SYNJ2: variants seen among roughly 807,000 people sequenced by gnomAD.
The protein encoded by SYNJ2 is polyphosphatidylinositol phosphatase SYNJ2.
In SYNJ2, 116 loss-of-function variants were observed where a neutral mutation model predicts 141.3. That is an observed-to-expected ratio of 0.82 (90% CI 0.71 to 0.96). The LOEUF (loss-of-function observed/expected upper bound fraction) is 0.96, where lower values mean the gene tolerates loss of function less well. Ranked by LOEUF, SYNJ2 falls within the 40% of genes least tolerant of loss-of-function variation. SYNJ2 has a pLI of 0.00. For missense variants in SYNJ2, 1,873 were observed against 1,934.8 expected, an observed-to-expected ratio of 0.97 and a Z score of 0.60; for synonymous variants, 745 against 777.7, an observed-to-expected ratio of 0.96 and a Z score of 0.70.
chr6:158,009,772 A>G (rs1778197792), intron 1 of SYNJ2, among the ~76,000 whole-genome samples: 1 of 152,078 alleles, frequency 6.6e-6, no homozygotes, highest in Non-Finnish European at 1.5e-5. Flanking sequence ...AAATAAATGG[A>G]GATGGTTGCC....
chr6:158,005,687 G>A (rs1454160366), intron 1 of SYNJ2, among the ~76,000 whole-genome samples: 6 of 151,972 alleles, frequency 3.9e-5, no homozygotes, highest in Admixed American at 1.3e-4. Context: ...TTTCACTTGC[G>A]TTTCTGTGCT....
At chr6:158,026,280 G>A (rs997934812) in intron 2 of SYNJ2, among the ~76,000 whole-genome samples, 1 of 152,208 alleles carries the variant, frequency 6.6e-6, no homozygotes, top group Non-Finnish European at 1.5e-5. Flanking sequence ...CTTGGCTTGA[G>A]AAACTTGCCC....
chr6:158,021,931 G>T (rs1778795810), intron 2 of SYNJ2, among the ~76,000 whole-genome samples: 1 of 152,198 alleles, frequency 6.6e-6, no homozygotes, highest in African/African-American at 2.4e-5. Flanking sequence ...TCACGGGCCA[G>T]GGCTGATTTC....
chr6:158,035,246 C>T (rs1325647804), intron 4 of SYNJ2, among the ~76,000 whole-genome samples: 2 of 152,170 alleles, frequency 1.3e-5, no homozygotes, highest in African/African-American at 2.4e-5. Context: ...ATAGGAATAG[C>T]TTTGAATCCA....
chr6:158,043,753 G>A lies in SYNJ2; in HGVS notation c.795+354G>A, dbSNP rs185028467. Among the ~76,000 whole-genome samples, 9 of 152,266 alleles carry A rather than the reference G, an allele frequency of 5.9e-5. No individual in the cohort carries two copies. The highest frequency in any genetic ancestry group is 8.8e-5 in the Non-Finnish European group (6 of 68,018). On this transcript the variant is annotated intron_variant, in intron 5 of 26. Transcript: ENST00000355585. This position sits in a 1 kb window ranked among gnomAD's most constrained non-coding sequence, Gnocchi z 4.0. ...ACCCTGAGTTCGGTGTACTGAGGAC[G>A]TTTCTGAGAGCCGTGACTCTCATGG...
At chr6:158,056,646 G>C (rs943882073) in intron 6 of SYNJ2, among the ~76,000 whole-genome samples, 1 of 152,220 alleles carries the variant, frequency 6.6e-6, no homozygotes, top group Non-Finnish European at 1.5e-5. Flanking sequence ...AGGCTGCCCA[G>C]GTCCTCGATG....
At chr6:158,072,995 A>G (rs895451550) in intron 15 of SYNJ2, among the ~76,000 whole-genome samples, 2 of 150,856 alleles carry the variant, frequency 1.3e-5, no homozygotes, top group Non-Finnish European at 3.0e-5. Flanking sequence ...ATCGCAACCC[A>G]GGAGGCAGAG....
intron 1 of SYNJ2, among the ~76,000 whole-genome samples, chr6:158,011,045 G>A (rs1443899792): frequency 6.7e-6 from 1 of 150,096 alleles, no homozygotes; most frequent in Admixed American, 6.7e-5. Context: ...CATGGAGAGA[G>A]AATGGCCACA....
At chr6:158,003,256 G>A (rs969687574) in intron 1 of SYNJ2, among the ~76,000 whole-genome samples, 1 of 152,242 alleles carries the variant, frequency 6.6e-6, no homozygotes, top group African/African-American at 2.4e-5. Flanking sequence ...TGGGAGGACA[G>A]GAGAGTCCTT....
At chr6:158,054,372 A>G (rs1255194052) in intron 5 of SYNJ2, among the ~76,000 whole-genome samples, 2 of 152,244 alleles carry the variant, frequency 1.3e-5, no homozygotes, top group African/African-American at 4.8e-5. Context: ...CATCAGGTTA[A>G]AATCCATTAC....
chr6:158,088,034 A>ATTTTTTTT (rs568222551), intron 23 of SYNJ2, among the ~76,000 whole-genome samples: 30 of 31,888 alleles, frequency 9.4e-4, no homozygotes, highest in East Asian at 5.1e-3. Context: ...CTGCTTTGGA[A>ATTTTTTTT]TTTTTTTTTT....
Position 158,055,662 on chromosome 6 carries a change from T to G in SYNJ2, c.857+634T>G, listed in dbSNP as rs1385300760. ...AAAAGATTTGCTTATTTAATCTAAATACTCAATATTTTAAAATTGTCTTAG... is the reference window on the plus strand; with the variant it reads ...AAAAGATTTGCTTATTTAATCTAAAGACTCAATATTTTAAAATTGTCTTAG... On this transcript the variant is annotated intron_variant, in intron 6 of 26. Transcript: ENST00000355585. Among the ~76,000 whole-genome samples, 5 of 152,340 alleles carry G rather than the reference T, an allele frequency of 3.3e-5. No homozygotes were observed. In the East Asian group the frequency reaches 9.6e-4, roughly 29 times the overall value.
In SYNJ2 at chr6:158,059,161, A is replaced by G. The variant is rs112990170; in HGVS notation, c.858-96A>G. ...TCCTGGACTGTGGCACTAAGAAAGC[A>G]TGACTCCTGCCCCGTCTTCCCTTGA... On this transcript the variant is annotated intron_variant, in intron 6 of 26. Transcript: ENST00000355585. The G allele has an allele frequency of 5.7e-4, 739 of 1,287,430 alleles. 5 individuals are homozygous for G. In the African/African-American group the frequency reaches 9.2e-3, roughly 16 times the overall value. 79.8% of individuals were successfully genotyped at this position (1,287,430 alleles called of 1,614,324 possible).
chr6:158,046,453 T>C (rs1014495328), intron 5 of SYNJ2, among the ~76,000 whole-genome samples: 3 of 152,216 alleles, frequency 2.0e-5, no homozygotes, highest in African/African-American at 7.2e-5. Flanking sequence ...CTATCAAGCC[T>C]AAGGCTGCTT....
chr6:158,020,870 C>T lies in SYNJ2; in HGVS notation c.214+3580C>T, dbSNP rs190085450. On this transcript the variant is annotated intron_variant, in intron 2 of 26. Coordinates refer to ENST00000355585, the MANE Select transcript of SYNJ2 (RefSeq NM_003898.4). Reference sequence around the variant, plus strand: ...TTAGTTTGGGAAAAATTTCAATCTACCTAAATTAGCCTTTTACATTAGAAA... The same window carrying T: ...TTAGTTTGGGAAAAATTTCAATCTATCTAAATTAGCCTTTTACATTAGAAA... Among the ~76,000 whole-genome samples, 31 of 152,336 alleles carry T rather than the reference C, an allele frequency of 2.0e-4. No homozygotes were observed. In the East Asian group the frequency reaches 5.8e-3, roughly 28 times the overall value.
At chr6:158,093,449 A>C (rs112812781) in intron 26 of SYNJ2, among the ~76,000 whole-genome samples, 1 of 104,432 alleles carries the variant, frequency 9.6e-6, no homozygotes, top group African/African-American at 4.1e-5. Flanking sequence ...AAAAAAAAAA[A>C]CAAAAAAAAA....
intron 12 of SYNJ2, chr6:158,067,938 G>T (rs976282332): frequency 2.0e-6 from 2 of 985,152 alleles, no homozygotes; most frequent in African/African-American, 3.5e-5. Flanking sequence ...CCCCACGAAA[G>T]TGACTCCTCT....
In SYNJ2 at chr6:158,068,696, G is replaced by A. The variant is rs767534767; in HGVS notation, c.1767G>A (p.Val589=). Residue 589 remains valine, a synonymous_variant, in exon 13 of 27, where the codon GTG becomes GTA. Coordinates refer to ENST00000355585, the MANE Select transcript of SYNJ2 (RefSeq NM_003898.4). ...DIFAVGFEEM[V]ELSAGNIVNA... ...TTGCTGTGGGGTTTGAAGAGATGGT[G>A]GAATTGAGCGCAGGGAATATTGTCA... The A allele has an allele frequency of 9.3e-6, 15 of 1,614,222 alleles. No homozygotes were observed. In the Middle Eastern group the frequency reaches 1.5e-3, roughly 160 times the overall value.
At chr6:158,056,989 G>T (rs548669391) in intron 6 of SYNJ2, among the ~76,000 whole-genome samples, 1 of 151,912 alleles carries the variant, frequency 6.6e-6, no homozygotes, top group Non-Finnish European at 1.5e-5. Context: ...GATGAGTCTC[G>T]GTGGAAGGGC....
Sources: gnomAD v4.1 joint callset for allele counts (sites outside exome capture counted in the v4.1 genomes callset) on GRCh38, gnomAD v4.1.1 for gene constraint, Gnocchi (gnomAD v3.1) non-coding constraint, MANE v1.5 for transcripts, NCBI Gene and HGNC (gene_info 2026-07-23, HGNC 2026-07-21) for gene names.